The following C4orf51 variants were observed in gnomAD, a reference collection of about 807,000 sequenced individuals.
C4orf51 encodes the protein uncharacterized protein C4orf51.
Under a neutral mutation model 25.2 loss-of-function variants are expected in C4orf51, and 25 were observed. The observed-to-expected ratio is 0.99, with a 90% CI of 0.72 to 1.39. The LOEUF is 1.39. C4orf51 is among the 40% of genes most tolerant of loss of function. The pLI, the probability that C4orf51 is intolerant of heterozygous loss-of-function variation, is 0.00. For synonymous variants in C4orf51, 100 were observed against 84.5 expected, an observed-to-expected ratio of 1.18 and a Z score of -1.01; for missense variants, 252 against 239.6, an observed-to-expected ratio of 1.05 and a Z score of -0.34.
intron 1 of C4orf51, among the ~76,000 whole-genome samples, chr4:145,769,264 A>C (rs1005945872): frequency 3.3e-5 from 5 of 152,084 alleles, no homozygotes; most frequent in African/African-American, 1.2e-4. Context: ...TCTTGGTACA[A>C]GAAAGCTATG....
chr4:145,765,180 G>C lies in C4orf51; in HGVS notation n.167-5808G>C, dbSNP rs1452429424. On this transcript the variant is annotated intron_variant and non_coding_transcript_variant, in intron 1 of 1. Transcript: ENST00000510096. The surrounding 1 kb of genome is among the most constrained non-coding windows in gnomAD (Gnocchi z 4.7). ...ACATTCGAACCCTGCAAGGACCGAA[G>C]CTGGGTATAGAGGTGCACAGGGCAG... 3.1e-6 allele frequency: 5 copies of C among 1,591,262 alleles called. No individual in the cohort carries two copies. In the East Asian group the frequency reaches 8.9e-5, roughly 28 times the overall value.
At chr4:145,779,130 C>G in the C4orf51 span, among the ~76,000 whole-genome samples, 4,407 of 152,176 alleles carry the variant, frequency 0.029, 204 homozygotes, top group African/African-American at 0.099. Flanking sequence ...GGAATTTTAC[C>G]TGAATAAACC....
intron 1 of C4orf51, among the ~76,000 whole-genome samples, chr4:145,696,046 G>C (rs1030775873): frequency 1.3e-5 from 2 of 152,158 alleles, no homozygotes; most frequent in African/African-American, 4.8e-5. Context: ...GGCAAATCAC[G>C]AGGTGAAGAG....
chr4:145,733,352 C>A (rs1732611247), downstream of C4orf51, among the ~76,000 whole-genome samples: 3 of 152,352 alleles, frequency 2.0e-5, no homozygotes, highest in South Asian at 6.2e-4. Flanking sequence ...CTCGTCGCCC[C>A]CGCGGAGCGC....
the C4orf51 span, among the ~76,000 whole-genome samples, chr4:145,786,154 A>C: frequency 3.2e-4 from 48 of 152,210 alleles, no homozygotes; most frequent in Admixed American, 5.9e-4. Context: ...ACCTCAAAAA[A>C]CAACAGGGAC....
chr4:145,697,663 C>T (rs920524902), intron 2 of C4orf51, among the ~76,000 whole-genome samples: 2 of 152,222 alleles, frequency 1.3e-5, no homozygotes, highest in African/African-American at 4.8e-5. Context: ...CCTCCAGGTG[C>T]ATCCATGTTG....
At chr4:145,780,628 T>C in the C4orf51 span, among the ~76,000 whole-genome samples, 1 of 152,210 alleles carries the variant, frequency 6.6e-6, no homozygotes, top group Admixed American at 6.5e-5. Context: ...TACCAGATTA[T>C]ACAAACATTC....
chr4:145,687,990 T>TA (rs778145021), intron 1 of C4orf51, among the ~76,000 whole-genome samples: 13 of 151,796 alleles, frequency 8.6e-5, no homozygotes, highest in African/African-American at 2.4e-4. Flanking sequence ...GAAAATGATG[T>TA]AAAAAATGCC....
At chr4:145,740,083 T>C (rs545658517) in intron 1 of C4orf51, among the ~76,000 whole-genome samples, 2 of 152,068 alleles carry the variant, frequency 1.3e-5, no homozygotes, top group South Asian at 2.1e-4. Flanking sequence ...ACCGTTCACG[T>C]GGATCTTCAA....
chr4:145,742,688 C>T (rs113185000), intron 1 of C4orf51, among the ~76,000 whole-genome samples: 18 of 152,040 alleles, frequency 1.2e-4, no homozygotes, highest in Admixed American at 1.3e-4. Context: ...TACAGGCGCC[C>T]GCCACCACGC....
At chr4:145,774,753 A>T (rs993560452), downstream of C4orf51, 53 of 1,429,984 alleles carry the variant, frequency 3.7e-5, no homozygotes, top group African/African-American at 7.2e-4. Context: ...ATTTATACAC[A>T]GTACACTCAA....
intron 2 of C4orf51, among the ~76,000 whole-genome samples, chr4:145,706,325 G>A (rs1297583647): frequency 1.3e-5 from 2 of 152,132 alleles, no homozygotes; most frequent in African/African-American, 4.8e-5. Context: ...TGTTCCATAA[G>A]GAATTTCAGG....
chr4:145,684,242 G>A (rs1488361047), intron 1 of C4orf51, among the ~76,000 whole-genome samples: 2 of 152,104 alleles, frequency 1.3e-5, no homozygotes, highest in Admixed American at 6.6e-5. Context: ...CAGCACTTTG[G>A]GAGGTCAAGG....
At chr4:145,696,691 T>C (rs1730085212) in intron 2 of C4orf51, 59 bp downstream of exon 2, 2 of 1,301,092 alleles carry the variant, frequency 1.5e-6, no homozygotes, top group Admixed American at 2.2e-5. Context: ...GCTGTGTTTC[T>C]TTCAGGTTCT....
the C4orf51 span, among the ~76,000 whole-genome samples, chr4:145,778,094 C>T: frequency 1.3e-5 from 2 of 152,024 alleles, no homozygotes; most frequent in Non-Finnish European, 2.9e-5. Flanking sequence ...AGAAAAGACA[C>T]CAGTTTGGGC....
chr4:145,737,426 G>A (rs1362414286), downstream of C4orf51, among the ~76,000 whole-genome samples: 4 of 152,114 alleles, frequency 2.6e-5, 1 homozygote, highest in South Asian at 6.2e-4. Context: ...TTTGAAAAAC[G>A]ATTACTTTCT....
At chr4:145,786,483 T>G in the C4orf51 span, among the ~76,000 whole-genome samples, 679 of 152,344 alleles carry the variant, frequency 4.5e-3, 5 homozygotes, top group African/African-American at 0.015. Context: ...CATTGTGACA[T>G]ATGGTATTTT....
rs1229127090 is a variant in C4orf51, at chr4:145,761,019, G to A, written n.167-9969G>A. On this transcript the variant is annotated intron_variant and non_coding_transcript_variant, in intron 1 of 1. Transcript: ENST00000510096. This position sits in a 1 kb window ranked among gnomAD's most constrained non-coding sequence, Gnocchi z 6.8. ...TGAGTGCCAGGTTGGGCTCTGAGCTGCTGCCGTGGGCTGCCGACAGGGCCA... is the reference window on the plus strand; with the variant it reads ...TGAGTGCCAGGTTGGGCTCTGAGCTACTGCCGTGGGCTGCCGACAGGGCCA... 1.6e-6 allele frequency: 2 copies of A among 1,277,960 alleles called. No individual in the cohort carries two copies. The highest frequency in any genetic ancestry group is 3.1e-5 in the African/African-American group (2 of 65,518). The allele number at this position is 1,277,960 out of a possible 1,614,324, so 79.2% of individuals were successfully genotyped here. A position where few individuals can be genotyped will look rare whatever the true frequency, so the allele number is the denominator to read the frequency against.
downstream of C4orf51, among the ~76,000 whole-genome samples, chr4:145,735,646 G>A: frequency 6.6e-6 from 1 of 152,166 alleles, no homozygotes; most frequent in African/African-American, 2.4e-5. Flanking sequence ...AACTTTGGCT[G>A]GCATAAATGA....
Sources: gnomAD v4.1 joint callset for allele counts (sites outside exome capture counted in the v4.1 genomes callset) on GRCh38, gnomAD v4.1.1 for gene constraint, Gnocchi (gnomAD v3.1) non-coding constraint, MANE v1.5 for transcripts, NCBI Gene and HGNC (gene_info 2026-07-23, HGNC 2026-07-21) for gene names.